Variants in DPYSL3 observed in about 807,000 individuals in gnomAD.
DPYSL3 encodes dihydropyrimidinase-related protein 3.
A neutral mutation model predicts 66.1 loss-of-function variants in DPYSL3; 16 were observed. The ratio of observed to expected loss-of-function variants is 0.24; its 90% CI spans 0.16 to 0.37. The LOEUF (loss-of-function observed/expected upper bound fraction) is 0.37. DPYSL3 is among the 10% of genes least tolerant of loss of function. The pLI, the probability that DPYSL3 is intolerant of heterozygous loss-of-function variation, is 1.00. For missense variants in DPYSL3, 738 were observed against 916.2 expected, an observed-to-expected ratio of 0.81 and a Z score of 2.51; for synonymous variants, 338 against 345.1, an observed-to-expected ratio of 0.98 and a Z score of 0.23.
chr5:147,458,356 A>G (rs112525115), intron 1 of DPYSL3, among the ~76,000 whole-genome samples: 5,434 of 152,236 alleles, frequency 0.036, 334 homozygotes, highest in African/African-American at 0.12. Flanking sequence ...GTTTACAAAT[A>G]CCATGGCAAC....
chr5:147,451,690 T>C (rs113537707), intron 1 of DPYSL3, among the ~76,000 whole-genome samples: 20 of 152,272 alleles, frequency 1.3e-4, no homozygotes, highest in South Asian at 6.2e-4. Flanking sequence ...AAATATATAC[T>C]GGATGTTAAA....
chr5:147,415,301 G>A (rs1019433064), intron 4 of DPYSL3, among the ~76,000 whole-genome samples: 1 of 152,036 alleles, frequency 6.6e-6, no homozygotes, highest in Non-Finnish European at 1.5e-5. Context: ...AAATGATACA[G>A]GTTAAAAATC....
chr5:147,394,845 C>T (rs1489751101), intron 13 of DPYSL3, among the ~76,000 whole-genome samples: 1 of 152,194 alleles, frequency 6.6e-6, no homozygotes, highest in Non-Finnish European at 1.5e-5. Context: ...ATTCCATACC[C>T]TTTCCTCATA....
chr5:147,449,144 T>C (rs1054969084), intron 1 of DPYSL3, among the ~76,000 whole-genome samples: 3 of 104,238 alleles, frequency 2.9e-5, no homozygotes, highest in Admixed American at 9.6e-5. Context: ...AAGGTCGGAT[T>C]GCATTTGTCC....
rs778230955 is a variant in DPYSL3 at position 147,424,943 on chromosome 5, C to G, written c.402G>C (p.Lys134Asn). The G allele has an allele frequency of 6.2e-7, 1 of 1,612,878 alleles. No individual in the cohort carries two copies. The highest frequency in any genetic ancestry group is 8.5e-7 in the Non-Finnish European group (1 of 1,179,336). The stretch of plus-strand genomic sequence containing the variant: ...GATCATCATTGACGATTCTGCCTCC[C>G]TTGATAAGGAGACGGTCACTCTAGA... ...PKDKSDRLLIKGGRIVNDDQS... is the reference protein window; with the variant it reads ...PKDKSDRLLINGGRIVNDDQS... Residue 134 changes from lysine to asparagine, a missense_variant, in exon 2 of 14, where the codon AAG becomes AAC. Lys to Asn is a moderately conservative substitution (Grantham distance 94). Transcript: ENST00000343218.
chr5:147,509,980 G>C lies in DPYSL3; in HGVS notation c.-122C>G. The C allele has an allele frequency of 7.2e-7, 1 of 1,395,730 alleles. No homozygotes were observed. The highest frequency in any genetic ancestry group is 9.4e-7 in the Non-Finnish European group (1 of 1,064,824). The allele number at this position is 1,395,730 out of a possible 1,614,324, so 86.5% of individuals were successfully genotyped here. ...AGGAGGCGCCTGAGCCTTCGCGCCAGAGGCGGCAGTGCTGCTCCGATTCCT... is the reference window on the plus strand; with the variant it reads ...AGGAGGCGCCTGAGCCTTCGCGCCACAGGCGGCAGTGCTGCTCCGATTCCT... On this transcript the variant is annotated 5_prime_UTR_variant, in exon 1 of 14. Coordinates refer to ENST00000343218, the MANE Select transcript of DPYSL3 (RefSeq NM_001197294.2). The surrounding 1 kb of genome is among the most constrained non-coding windows in gnomAD (Gnocchi z 5.3).
intron 6 of DPYSL3, among the ~76,000 whole-genome samples, chr5:147,410,158 G>A (rs1249573473): frequency 6.6e-6 from 1 of 152,114 alleles, no homozygotes; most frequent in East Asian, 1.9e-4. Flanking sequence ...CAAGGGTTAA[G>A]GTCTCCAACT....
chr5:147,408,466 G>A (rs1233879467), intron 7 of DPYSL3, among the ~76,000 whole-genome samples: 1 of 152,174 alleles, frequency 6.6e-6, no homozygotes, highest in Non-Finnish European at 1.5e-5. Flanking sequence ...ATTTCCTTAA[G>A]AAAGGGATTA....
chr5:147,399,200 G>T lies in DPYSL3; in HGVS notation c.1505C>A (p.Ala502Asp). The T allele has an allele frequency of 6.2e-7, 1 of 1,614,206 alleles. No homozygotes were observed. The highest frequency in any genetic ancestry group is 8.5e-7 in the Non-Finnish European group (1 of 1,180,042). ...GGGATACAGGTTGAAGATCTTGGCAGCGTTTGTGCTTGTCACAGCCACGAA... is the reference window on the plus strand; with the variant it reads ...GGGATACAGGTTGAAGATCTTGGCATCGTTTGTGCTTGTCACAGCCACGAA... ...NQFVAVTSTN[A>D]AKIFNLYPRK... The change falls in exon 11 of 14, where the codon GCT (alanine) becomes GAT (aspartate). Residue 502 changes from alanine (A) to aspartate (D), a missense_variant. Transcript: ENST00000343218.
chr5:147,402,354 C>T (rs6580463), intron 8 of DPYSL3, among the ~76,000 whole-genome samples: 10,748 of 114,876 alleles, frequency 0.094, 1,939 homozygotes, highest in African/African-American at 0.35. Flanking sequence ...TTTTTTTTTT[C>T]TTTTTTTTTT....
intron 1 of DPYSL3, among the ~76,000 whole-genome samples, chr5:147,438,860 T>C (rs189500152): frequency 3.2e-4 from 49 of 152,368 alleles, no homozygotes; most frequent in African/African-American, 1.2e-3. Flanking sequence ...CAGCCAGTTT[T>C]CACCTATGTG....
At chr5:147,429,931 T>C (rs1010151432) in intron 1 of DPYSL3, among the ~76,000 whole-genome samples, 1 of 152,212 alleles carries the variant, frequency 6.6e-6, no homozygotes, top group Non-Finnish European at 1.5e-5. Context: ...ATGGCCTGAA[T>C]GTGTTAATGT....
At chr5:147,508,541 T>TC (rs2126467239) in intron 1 of DPYSL3, among the ~76,000 whole-genome samples, 1 of 152,258 alleles carries the variant, frequency 6.6e-6, no homozygotes, top group African/African-American at 2.4e-5. Context: ...CTCTGAAGTC[T>TC]CCAGCCCTGC....
chr5:147,421,456 T>C (rs549725941), intron 2 of DPYSL3, among the ~76,000 whole-genome samples: 4 of 152,326 alleles, frequency 2.6e-5, no homozygotes, highest in African/African-American at 7.2e-5. Context: ...ATAGATTCAA[T>C]GCTATTCCCA....
chr5:147,475,741 G>A (rs755212525), intron 1 of DPYSL3, among the ~76,000 whole-genome samples: 3 of 152,038 alleles, frequency 2.0e-5, no homozygotes, highest in Non-Finnish European at 2.9e-5. Context: ...CTCATTTAAA[G>A]GGTTGTCTTA....
chr5:147,489,207 C>T (rs1211813567), intron 1 of DPYSL3, among the ~76,000 whole-genome samples: 1 of 152,032 alleles, frequency 6.6e-6, no homozygotes, highest in Non-Finnish European at 1.5e-5. Context: ...CCGGATTCTG[C>T]TTTCCTATTT....
chr5:147,419,099 G>C (rs1752032422), intron 2 of DPYSL3, among the ~76,000 whole-genome samples: 1 of 152,178 alleles, frequency 6.6e-6, no homozygotes, highest in African/African-American at 2.4e-5. Flanking sequence ...TATCTTTTAA[G>C]TGGGGTCATC....
chr5:147,437,859 C>A (rs1289888452), intron 1 of DPYSL3, among the ~76,000 whole-genome samples: 1 of 152,130 alleles, frequency 6.6e-6, no homozygotes, highest in Non-Finnish European at 1.5e-5. Flanking sequence ...AGGATGAAGC[C>A]CAGATTCTCA....
At chr5:147,472,032 C>A (rs1039580516) in intron 1 of DPYSL3, among the ~76,000 whole-genome samples, 5 of 152,174 alleles carry the variant, frequency 3.3e-5, no homozygotes, top group Non-Finnish European at 5.9e-5. Flanking sequence ...TTCTGTGAGA[C>A]CATAGCAATC....
Sources: allele counts gnomAD v4.1 joint callset (sites outside exome capture counted in the v4.1 genomes callset), GRCh38; gene constraint gnomAD v4.1.1; non-coding constraint Gnocchi (gnomAD v3.1); transcripts MANE v1.5; gene names NCBI Gene and HGNC (gene_info 2026-07-23, HGNC 2026-07-21).